DMD: variants seen among roughly 807,000 people sequenced by gnomAD.
The protein encoded by DMD is mutant dystrophin.
DMD carries 63 observed loss-of-function variants against 330.1 expected under a neutral mutation model. The observed-to-expected ratio is 0.19, with a 90% CI of 0.16 to 0.24. The LOEUF is 0.24. Among genes scored for constraint, DMD ranks in the 10% least tolerant of loss-of-function variants. The pLI is 1.00. For missense variants in DMD, 3,344 were observed against 2,684.1 expected (o/e 1.25, Z -5.43); for synonymous variants, 1,223 against 959.8 (o/e 1.27, Z -5.07).
At chrX:31,701,153 T>C (rs1320418480) in intron 52 of DMD, among the ~76,000 whole-genome samples, 1 of 112,319 alleles carries the variant, frequency 8.9e-6, no homozygotes, top group Non-Finnish European at 1.9e-5. Context: ...TTTGTTGGAA[T>C]ATAAATATTT....
At chrX:31,165,360 G>A (rs112683614) in intron 74 of DMD, among the ~76,000 whole-genome samples, 1 of 112,239 alleles carries the variant, frequency 8.9e-6, no homozygotes. Flanking sequence ...GAGTTCCCTC[G>A]TGTTATATAA....
intron 61 of DMD, among the ~76,000 whole-genome samples, chrX:31,330,626 TC>T (rs1302900739): frequency 1.8e-5 from 2 of 112,389 alleles, no homozygotes; most frequent in Non-Finnish European, 3.8e-5. Flanking sequence ...TCAGTTCACT[TC>T]ATTACTGAAT....
intron 55 of DMD, among the ~76,000 whole-genome samples, chrX:31,606,626 A>T (rs2077625350): frequency 8.9e-6 from 1 of 111,842 alleles, no homozygotes; most frequent in African/African-American, 3.2e-5. Context: ...GCTTTTATTT[A>T]TTTTACAAAA....
chrX:33,123,714 G>A (rs944147628), intron 1 of DMD, among the ~76,000 whole-genome samples: 6 of 104,027 alleles, frequency 5.8e-5, no homozygotes, highest in Non-Finnish European at 1.2e-4. Flanking sequence ...CACCACGCCC[G>A]GTTCAAATGA....
intron 60 of DMD, among the ~76,000 whole-genome samples, chrX:31,440,665 T>C (rs1454041974): frequency 8.9e-6 from 1 of 112,246 alleles, no homozygotes; most frequent in African/African-American, 3.2e-5. Context: ...AATCACAAGG[T>C]TGTGATTCTT....
chrX:32,753,506 T>C (rs957157905), intron 7 of DMD, among the ~76,000 whole-genome samples: 4 of 111,738 alleles, frequency 3.6e-5, no homozygotes, highest in Admixed American at 1.9e-4. Context: ...ACAAACCCTC[T>C]GCACTGCCAC....
At chrX:32,793,881 CT>C (rs765342589) in intron 7 of DMD, among the ~76,000 whole-genome samples, 12 of 111,360 alleles carry the variant, frequency 1.1e-4, no homozygotes, top group South Asian at 7.5e-4. Flanking sequence ...GGAATTCCCC[CT>C]ATCTCATTCT....
At chrX:32,009,465 T>A (rs868104035) in intron 44 of DMD, among the ~76,000 whole-genome samples, 3 of 112,280 alleles carry the variant, frequency 2.7e-5, no homozygotes, top group Non-Finnish European at 5.6e-5. Flanking sequence ...ATTTTTAAAA[T>A]CCTTCACGAT....
At chrX:32,146,139 A>G (rs774467349) in intron 44 of DMD, among the ~76,000 whole-genome samples, 14 of 112,173 alleles carry the variant, frequency 1.2e-4, no homozygotes, top group Non-Finnish European at 2.4e-4. Flanking sequence ...TCTCTTTCAT[A>G]TGTGCAGAGA....
At chrX:31,156,321 A>C (rs949300973) in intron 74 of DMD, among the ~76,000 whole-genome samples, 1 of 112,381 alleles carries the variant, frequency 8.9e-6, no homozygotes, top group Non-Finnish European at 1.9e-5. Context: ...ATTTTATAAT[A>C]AAGTTGTCAT....
intron 51 of DMD, among the ~76,000 whole-genome samples, chrX:31,743,676 G>A (rs1437957506): frequency 5.4e-5 from 6 of 111,142 alleles, no homozygotes; most frequent in Non-Finnish European, 9.4e-5. Flanking sequence ...CAATAGAAAC[G>A]GAGGACTACT....
intron 2 of DMD, among the ~76,000 whole-genome samples, chrX:32,857,011 C>T (rs889949034): frequency 9.2e-6 from 1 of 108,650 alleles, no homozygotes; most frequent in Admixed American, 9.8e-5. Flanking sequence ...GGAGGCGGAG[C>T]TTGCAATGAG....
intron 2 of DMD, among the ~76,000 whole-genome samples, chrX:32,910,507 C>A (rs989982101): frequency 3.6e-5 from 4 of 111,020 alleles, no homozygotes; most frequent in Non-Finnish European, 5.7e-5. Context: ...GGGCTCACTG[C>A]AACCTCCGCC....
At chrX:32,485,186 C>G in intron 20 of DMD, 87 bp from the exon 21 acceptor site, 1 of 918,778 alleles carries the variant, frequency 1.1e-6, no homozygotes, top group Non-Finnish European at 1.6e-6. Flanking sequence ...AGCAGTAAGG[C>G]AAGTTTAGCT....
At chrX:32,378,362 C>T (rs2097912020) in intron 34 of DMD, among the ~76,000 whole-genome samples, 2 of 108,642 alleles carry the variant, frequency 1.8e-5, no homozygotes, top group Non-Finnish European at 1.9e-5. Context: ...TCAAGTTGTG[C>T]CATATGTATC....
intron 47 of DMD, among the ~76,000 whole-genome samples, chrX:31,882,821 G>C (rs2094095170): frequency 9.0e-6 from 1 of 111,652 alleles, no homozygotes; most frequent in Non-Finnish European, 1.9e-5. Context: ...AAGGATAAAG[G>C]TTGAAAATAC....
At chrX:31,951,157 ATG>A (rs1296506239) in intron 45 of DMD, among the ~76,000 whole-genome samples, 4 of 72,620 alleles carry the variant, frequency 5.5e-5, no homozygotes, top group Non-Finnish European at 9.9e-5. Flanking sequence ...ATATATATAT[ATG>A]TATATATATA....
chrX:32,153,610 T>C, intron 44 of DMD, among the ~76,000 whole-genome samples: 1 of 112,221 alleles, frequency 8.9e-6, no homozygotes, highest in East Asian at 2.8e-4. Flanking sequence ...GATATTTTGT[T>C]TTTGGAACTT....
chrX:32,960,731 C>T (rs2091851072), intron 2 of DMD, among the ~76,000 whole-genome samples: 1 of 110,397 alleles, frequency 9.1e-6, no homozygotes, highest in African/African-American at 3.3e-5. Flanking sequence ...TTAAAATCTC[C>T]CCTTACTAAT....
Sources: gnomAD v4.1 joint callset for allele counts (sites outside exome capture counted in the v4.1 genomes callset) on GRCh38, gnomAD v4.1.1 for gene constraint, MANE v1.5 for transcripts, NCBI Gene and HGNC (gene_info 2026-07-23, HGNC 2026-07-21) for gene names.